The following SLC6A16 variants were observed in gnomAD, a reference collection of about 807,000 sequenced individuals.
The protein encoded by SLC6A16 is solute carrier family 6 member 16, also known as orphan sodium- and chloride-dependent neurotransmitter transporter NTT5.
In SLC6A16, 54 loss-of-function variants were observed where a neutral mutation model predicts 65.4. That is an observed-to-expected ratio of 0.83 (90% CI 0.66 to 1.04). SLC6A16 has a LOEUF of 1.04. Among genes scored for constraint, SLC6A16 ranks in the 50% least tolerant of loss-of-function variants. The pLI is 0.00. For missense variants in SLC6A16, 816 were observed against 914.0 expected (o/e 0.89, Z 1.38); for synonymous variants, 330 against 346.5 (o/e 0.95, Z 0.53).
Position 49,294,448 on chromosome 19 carries a change from C to G in SLC6A16, c.1335G>C (p.Trp445Cys). The G allele has an allele frequency of 1.8e-5, 29 of 1,614,076 alleles. No homozygotes were observed. The highest frequency in any genetic ancestry group is 2.4e-5 in the Non-Finnish European group (28 of 1,180,028). The change falls in exon 8 of 12, where the codon TGG becomes TGC. Residue 445 changes from tryptophan to cysteine, a missense_variant. Trp to Cys is a radical substitution (Grantham distance 215). Transcript: ENST00000335875. ...LYNPTSIYNA[W>C]LSGLPQHIKS... The stretch of plus-strand genomic sequence containing the variant: ...TGATGTGCTGGGGAAGGCCACTGAG[C>G]CAGGCATTGTAGATGGAGGTTGGGT...
the SLC6A16 span, chr19:49,339,978 A>C: frequency 7.0e-7 from 1 of 1,423,354 alleles, no homozygotes; most frequent in Non-Finnish European, 9.2e-7. The surrounding 1 kb of genome is among the most constrained non-coding windows in gnomAD (Gnocchi z 4.5). Context: ...CAGAGGGGGA[A>C]GACAGATGAG....
At chr19:49,294,101 A>G (rs1486362498) in intron 8 of SLC6A16, 73 bp from the exon 9 acceptor site, 5 of 1,303,176 alleles carry the variant, frequency 3.8e-6, no homozygotes, top group Non-Finnish European at 4.3e-6. Flanking sequence ...ACAAGTATAC[A>G]TTCTATCTTC....
At chr19:49,337,433 C>A in the SLC6A16 span, among the ~76,000 whole-genome samples, 1 of 152,008 alleles carries the variant, frequency 6.6e-6, no homozygotes, top group Non-Finnish European at 1.5e-5. Flanking sequence ...TTGAGACCAG[C>A]CTGGGCAACA....
At chr19:49,299,118 C>G (rs949183136) in intron 7 of SLC6A16, among the ~76,000 whole-genome samples, 8 of 151,738 alleles carry the variant, frequency 5.3e-5, no homozygotes, top group Non-Finnish European at 1.2e-4. Flanking sequence ...TGGTGGTGGG[C>G]GCCTGTAGTC....
At chr19:49,324,158 C>G (rs1217021164) in intron 1 of SLC6A16, among the ~76,000 whole-genome samples, 1 of 152,048 alleles carries the variant, frequency 6.6e-6, no homozygotes, top group African/African-American at 2.4e-5. Flanking sequence ...AGTGAAACCC[C>G]GTTTCTACTA....
At chr19:49,317,211 C>G (rs1970627193) in intron 1 of SLC6A16, among the ~76,000 whole-genome samples, 2 of 151,924 alleles carry the variant, frequency 1.3e-5, no homozygotes, top group South Asian at 4.2e-4. Context: ...CATGGTGGGA[C>G]ACACCTGTAG....
Position 49,311,148 on chromosome 19 carries a change from T to G in SLC6A16, c.200A>C (p.Lys67Thr). The change falls in exon 2 of 12, where the codon AAG becomes ACG. Residue 67 changes from lysine to threonine, a missense_variant. Physicochemically the swap from Lys to Thr is moderately conservative, Grantham distance 78. Coordinates refer to ENST00000335875, the MANE Select transcript of SLC6A16 (RefSeq NM_014037.3). ...AEAQARTSQP[K>T]QISVLEALTA... ...TAACGCCTCCAATACAGAAATTTGC[T>G]TGGGCTGACTGGTCCTGGCCTGAGC... 6.2e-7 allele frequency: 1 copy of G among 1,614,182 alleles called. No homozygotes were observed. The highest frequency in any genetic ancestry group is 8.5e-7 in the Non-Finnish European group (1 of 1,180,032).
the SLC6A16 span, chr19:49,337,003 C>T: frequency 1.7e-5 from 28 of 1,613,728 alleles, no homozygotes; most frequent in South Asian, 9.9e-5. Context: ...GTGTGGGGGC[C>T]CTCAAGGAGC....
rs1359780326 is a variant in SLC6A16 at position 49,294,447 on chromosome 19, G to A, written c.1336C>T (p.Leu446Phe). ...TTGATGTGCTGGGGAAGGCCACTGA[G>A]CCAGGCATTGTAGATGGAGGTTGGG... Reference protein sequence around the residue: ...YNPTSIYNAWLSGLPQHIKSM... With the variant: ...YNPTSIYNAWFSGLPQHIKSM... The change falls in exon 8 of 12, where the codon CTC becomes TTC. Residue 446 changes from leucine (L) to phenylalanine (F), a missense_variant. Physicochemically the swap from Leu to Phe is conservative, Grantham distance 22 (BLOSUM62 0). Transcript: ENST00000335875. The A allele has an allele frequency of 1.9e-6, 3 of 1,614,156 alleles. No homozygotes were observed. Among genetic ancestry groups the A allele is most frequent in the Admixed American group, 3.3e-5 (2 of 60,026 alleles).
chr19:49,311,479 C>A, intron 1 of SLC6A16, 68 bp from the exon 2 acceptor site: 1 of 979,270 alleles, frequency 1.0e-6, no homozygotes, highest in Non-Finnish European at 1.4e-6. Flanking sequence ...ACAAAACAAT[C>A]CTCAACATCT....
At chr19:49,303,659 AAAAAAAG>A (rs201139718) in intron 7 of SLC6A16, among the ~76,000 whole-genome samples, 58,098 of 141,482 alleles carry the variant, frequency 0.41, 11,511 homozygotes, top group Admixed American at 0.51. Flanking sequence ...TCTCAAAAAA[AAAAAAAG>A]AAAAAAGAAA....
At chr19:49,336,796 A>AGAGAG in the SLC6A16 span, 5 of 1,134,406 alleles carry the variant, frequency 4.4e-6, no homozygotes, top group Non-Finnish European at 6.4e-6. Context: ...ACAGAGTCCC[A>AGAGAG]GAGAGAGGGG....
chr19:49,310,288 CAGG>C (rs942142247), intron 3 of SLC6A16, 62 bp downstream of exon 3: 3 of 1,605,130 alleles, frequency 1.9e-6, no homozygotes, highest in African/African-American at 1.3e-5. Context: ...GGGCGCATTT[CAGG>C]AGGAGGGTTG....
chr19:49,339,332 C>T, the SLC6A16 span: 4 of 1,613,796 alleles, frequency 2.5e-6, no homozygotes, highest in Admixed American at 1.7e-5. The surrounding 1 kb of genome is among the most constrained non-coding windows in gnomAD (Gnocchi z 4.5). Flanking sequence ...CCCCCCAGGG[C>T]TGCGCGCAGG....
At chr19:49,336,983 C>T in the SLC6A16 span, 2 of 1,614,088 alleles carry the variant, frequency 1.2e-6, no homozygotes, top group South Asian at 2.2e-5. Flanking sequence ...GGGCATCGCC[C>T]TCCTGGGTTG....
chr19:49,327,951 G>A (rs1970814678), upstream of SLC6A16, among the ~76,000 whole-genome samples: 2 of 152,212 alleles, frequency 1.3e-5, no homozygotes, highest in Admixed American at 6.5e-5. Flanking sequence ...GCAGTGGCAG[G>A]GGCCAGAGTA....
At chr19:49,294,313 T>C (rs988585674) in intron 8 of SLC6A16, 54 bp downstream of exon 8, 1 of 1,542,760 alleles carries the variant, frequency 6.5e-7, no homozygotes, top group Non-Finnish European at 8.8e-7. Context: ...AAATTTCTGT[T>C]GTGCTAAAGG....
At chr19:49,306,851 T>G (rs749923675) in intron 7 of SLC6A16, among the ~76,000 whole-genome samples, 5 of 151,894 alleles carry the variant, frequency 3.3e-5, no homozygotes, top group Admixed American at 1.3e-4. Context: ...TTGTTTTTCT[T>G]TACATTTGAT....
chr19:49,295,421 T>A (rs938318654), intron 7 of SLC6A16, among the ~76,000 whole-genome samples: 3 of 151,430 alleles, frequency 2.0e-5, no homozygotes, highest in Non-Finnish European at 4.4e-5. Context: ...AGAACTGCAA[T>A]GGACAGCTTG....
Sources: gnomAD v4.1 joint callset for allele counts (sites outside exome capture counted in the v4.1 genomes callset) on GRCh38, gnomAD v4.1.1 for gene constraint, Gnocchi (gnomAD v3.1) non-coding constraint, MANE v1.5 for transcripts, NCBI Gene and HGNC (gene_info 2026-07-23, HGNC 2026-07-21) for gene names.